Variants in ZNF335 observed in about 807,000 individuals in gnomAD.
The protein encoded by ZNF335 is NRC-interacting factor 1.
Under a neutral mutation model 145.6 loss-of-function variants are expected in ZNF335, and 84 were observed. The ratio of observed to expected loss-of-function variants is 0.58; its 90% confidence interval spans 0.48 to 0.69. The LOEUF is 0.69. ZNF335 is among the 30% of genes least tolerant of loss of function. The probability of loss-of-function intolerance (pLI) is 0.00; values close to 1 mark genes in which losing one functional copy is unlikely to be tolerated. For synonymous variants in ZNF335, 761 were observed against 717.0 expected (o/e 1.06, Z -0.98); for missense variants, 1,865 against 1,809.7 (o/e 1.03, Z -0.55).
In ZNF335 at chr20:45,962,340, G is replaced by A. The variant is rs11907787; in HGVS notation, c.1534-158C>T. 5.9e-5 allele frequency among the ~76,000 whole-genome samples: 9 copies of A among 152,338 alleles called. No individual in the cohort carries two copies. In the South Asian group the frequency reaches 1.0e-3, roughly 18 times the overall value. ...ACCCCGACGCAAGGGTCAAAACCTAGGAAGGCCCGGGGACTGTCCCCAGCG... is the reference window on the plus strand; with the variant it reads ...ACCCCGACGCAAGGGTCAAAACCTAAGAAGGCCCGGGGACTGTCCCCAGCG... On this transcript the variant is annotated intron_variant, in intron 9 of 27. Transcript: ENST00000322927.
At chr20:45,961,333 G>C (rs575043333) in intron 10 of ZNF335, among the ~76,000 whole-genome samples, 4 of 152,300 alleles carry the variant, frequency 2.6e-5, no homozygotes, top group African/African-American at 9.6e-5. Flanking sequence ...TGAGGCTGCA[G>C]TGAGCTGTAA....
At chr20:45,954,242 C>T (rs1205140575) in intron 17 of ZNF335, among the ~76,000 whole-genome samples, 5 of 152,158 alleles carry the variant, frequency 3.3e-5, no homozygotes, top group Admixed American at 3.3e-4. Context: ...ATGGTACTGG[C>T]ATATAGTCGG....
intron 1 of ZNF335, 79 bp downstream of exon 1, chr20:45,972,043 C>A (rs2084083193): frequency 9.6e-6 from 12 of 1,253,958 alleles, no homozygotes; most frequent in Non-Finnish European, 1.2e-5. Flanking sequence ...CCTGGGACCT[C>A]GCCTCCGGGT....
intron 3 of ZNF335, 85 bp from the exon 4 acceptor site, chr20:45,968,447 T>A: frequency 7.8e-7 from 1 of 1,285,276 alleles, no homozygotes; most frequent in Non-Finnish European, 1.1e-6. Flanking sequence ...CTTTGGCCTG[T>A]GAGCAGGGCT....
At chr20:45,971,747 TC>T in intron 1 of ZNF335, 6 of 985,428 alleles carry the variant, frequency 6.1e-6, no homozygotes, top group Non-Finnish European at 7.2e-6. Flanking sequence ...GTGAGCCCCA[TC>T]CGGGCCCAGT....
chr20:45,952,684 G>T lies in ZNF335; in HGVS notation c.2728C>A (p.Gln910Lys), dbSNP rs758663852. Residue 910 changes from glutamine (Q) to lysine (K), a missense_variant, in exon 19 of 28, where the codon CAG becomes AAG. Coordinates refer to ENST00000322927, the MANE Select transcript of ZNF335 (RefSeq NM_022095.4). The stretch of plus-strand genomic sequence containing the variant: ...AGGGTGTCACTCACAACCACAGCCT[G>T]GGCTGCCTCTCCTGCGGGCTCCTCG... ...YSEEPAGEAAQAVVVSDTLKE... is the reference protein window; with the variant it reads ...YSEEPAGEAAKAVVVSDTLKE... The T allele has an allele frequency of 6.2e-7, 1 of 1,613,766 alleles. No homozygotes were observed. Among genetic ancestry groups the T allele is most frequent in the East Asian group, 2.2e-5 (1 of 44,864 alleles).
Position 45,971,251 on chromosome 20 carries a change from A to G in ZNF335, c.160T>C (p.Ser54Pro). Residue 54 changes from serine to proline, a missense_variant, in exon 2 of 28, where the codon TCT becomes CCT. Transcript: ENST00000322927. ...CGGTCCGAGCTTTGCCCCACGCCAG[A>G]GTCATCGGCCTCTGCCTGCCCCGGG... is the stretch of plus-strand genomic sequence containing the variant. Reference protein sequence around the residue: ...AAPGQAEADDSGVGQSSDRGS... With the variant: ...AAPGQAEADDPGVGQSSDRGS... The G allele has an allele frequency of 6.4e-7, 1 of 1,557,850 alleles. No individual in the cohort carries two copies. Among genetic ancestry groups the G allele is most frequent in the Admixed American group, 1.9e-5 (1 of 53,258 alleles).
chr20:45,950,638 A>T (rs1162938417), intron 20 of ZNF335, 43 bp from the exon 21 acceptor site: 1 of 1,599,202 alleles, frequency 6.3e-7, no homozygotes, highest in Non-Finnish European at 8.6e-7. Context: ...GGGTCAGGAC[A>T]GATGGCAACA....
intron 2 of ZNF335, chr20:45,970,323 GTGA>G (rs1337808031): frequency 6.5e-6 from 1 of 152,720 alleles, no homozygotes; most frequent in East Asian, 1.9e-4. Context: ...GGACCCCAAA[GTGA>G]TGACCACTGC....
chr20:45,967,451 G>C, intron 6 of ZNF335, 43 bp downstream of exon 6: 4 of 1,613,976 alleles, frequency 2.5e-6, no homozygotes, highest in Non-Finnish European at 3.4e-6. Flanking sequence ...AGTATGTCTA[G>C]ATGGGCATAG....
intron 6 of ZNF335, chr20:45,967,245 C>A: frequency 3.6e-6 from 2 of 559,676 alleles, no homozygotes; most frequent in Non-Finnish European, 6.4e-6. Context: ...CCTCCTCTCG[C>A]ACCTTTACTT....
At position 45,952,173 on chromosome 20, in the gene ZNF335, T is replaced by G. The variant is rs775549187; in HGVS notation, c.3163A>C (p.Ser1055Arg). The change falls in exon 20 of 28, where the codon AGT becomes CGT. Residue 1055 changes from serine (S) to arginine (R), a missense_variant. Coordinates refer to ENST00000322927, the MANE Select transcript of ZNF335 (RefSeq NM_022095.4). ...CGGACCTCGGGCCACTGGCGGGCAC[T>G]GAAGGGGCAGTCGGGGCACTTGAAG... The part of the protein sequence containing the change: ...GAFKCPDCPF[S>R]ARQWPEVRAH... 6.2e-7 allele frequency: 1 copy of G among 1,608,418 alleles called. No individual in the cohort carries two copies. Among genetic ancestry groups the G allele is most frequent in the South Asian group, 1.1e-5 (1 of 90,790 alleles).
intron 3 of ZNF335, chr20:45,968,610 A>T (rs2084004071): frequency 2.0e-5 from 9 of 442,436 alleles, no homozygotes; most frequent in Non-Finnish European, 4.1e-6. Context: ...CCACAGCTAC[A>T]CCAGCTGCCC....
At chr20:45,949,124 C>T (rs778609285) in intron 27 of ZNF335, 44 bp from the exon 28 acceptor site, 1 of 1,613,530 alleles carries the variant, frequency 6.2e-7, no homozygotes, top group Non-Finnish European at 8.5e-7. Flanking sequence ...GGCTCAAGAG[C>T]TGGGTCCATA....
intron 18 of ZNF335, among the ~76,000 whole-genome samples, chr20:45,952,963 G>C (rs556483600): frequency 6.6e-6 from 1 of 151,998 alleles, no homozygotes; most frequent in South Asian, 2.1e-4. Context: ...GAGGTGGGGG[G>C]CACACAGTGA....
At chr20:45,962,286 C>T (rs1040104654) in intron 9 of ZNF335, 104 bp from the exon 10 acceptor site, 2 of 886,352 alleles carry the variant, frequency 2.3e-6, no homozygotes. Flanking sequence ...GCGGGAGCAG[C>T]TCACAGAACA....
At chr20:45,970,435 T>C (rs1255295861) in intron 2 of ZNF335, among the ~76,000 whole-genome samples, 4 of 152,256 alleles carry the variant, frequency 2.6e-5, no homozygotes, top group Admixed American at 2.6e-4. Context: ...GAGCACTGTT[T>C]TAATTATTAG....
rs1400570593 is a variant in ZNF335, at chr20:45,957,915, G to A, written c.2267C>T (p.Ala756Val). The A allele has an allele frequency of 7.4e-6, 12 of 1,614,042 alleles. No homozygotes were observed. The highest frequency in any genetic ancestry group is 1.6e-4 in the Middle Eastern group (1 of 6,062). The change falls in exon 16 of 28, where the codon GCG (alanine) becomes GTG (valine). Residue 756 changes from alanine to valine, a missense_variant. Ala to Val is a moderately conservative substitution (Grantham distance 64). Coordinates refer to ENST00000322927, the MANE Select transcript of ZNF335 (RefSeq NM_022095.4). ...SPGPPEIPPE[A>V]TTFQSSEAPS... ...AGCCTCAGATGACTGGAAAGTTGTC[G>A]CCTCTGGGGGTATCTATGGGGTGGA...
chr20:45,948,975 A>T lies in ZNF335; in HGVS notation c.4007T>A (p.Val1336Asp). Reference sequence around the variant, plus strand: ...GGCTCAGTCATCGGCCAGGGTGATGACGTCGTACTCGATGCCCTGGTGCTG... The same window carrying T: ...GGCTCAGTCATCGGCCAGGGTGATGTCGTCGTACTCGATGCCCTGGTGCTG... Reference protein sequence around the residue: ...QLQHQGIEYDVITLADD With the variant: ...QLQHQGIEYDDITLADD Residue 1336 changes from valine (V) to aspartate (D), a missense_variant, in exon 28 of 28, where the codon GTC (valine) becomes GAC (aspartate). Physicochemically the swap from Val to Asp is radical, Grantham distance 152. Coordinates refer to ENST00000322927, the MANE Select transcript of ZNF335 (RefSeq NM_022095.4). 6.2e-7 allele frequency: 1 copy of T among 1,613,818 alleles called. No homozygotes were observed. Among genetic ancestry groups the T allele is most frequent in the South Asian group, 1.1e-5 (1 of 91,082 alleles).
Sources: allele counts gnomAD v4.1 joint callset (sites outside exome capture counted in the v4.1 genomes callset), GRCh38; gene constraint gnomAD v4.1.1; transcripts MANE v1.5; gene names NCBI Gene and HGNC (gene_info 2026-07-23, HGNC 2026-07-21).